The following SSBP2 variants were observed in gnomAD, a reference collection of about 807,000 sequenced individuals.
The protein encoded by SSBP2 is single stranded DNA binding protein 2.
A neutral mutation model predicts 61.8 loss-of-function variants in SSBP2; 17 were observed. The observed-to-expected ratio is 0.28, with a 90% CI of 0.19 to 0.41. The LOEUF (loss-of-function observed/expected upper bound fraction) is 0.41. Ranked by LOEUF, SSBP2 falls within the 10% of genes least tolerant of loss-of-function variation. The pLI, the probability that SSBP2 is intolerant of heterozygous loss-of-function variation, is 1.00. For missense variants in SSBP2, 310 were observed against 458.7 expected (o/e 0.68, Z 2.96); for synonymous variants, 139 against 141.3 (o/e 0.98, Z 0.12).
In SSBP2 at chr5:81,419,325, G is replaced by T. The variant is rs1461172320; in HGVS notation, c.*1179C>A. 2.0e-5 allele frequency: 3 copies of T among 152,218 alleles called. No individual in the cohort carries two copies. The highest frequency in any genetic ancestry group is 7.2e-5 in the African/African-American group (3 of 41,466). The allele number at this position is 152,218 out of a possible 1,614,324, so 9.4% of individuals were successfully genotyped here. A position where few individuals can be genotyped will look rare whatever the true frequency, so the allele number is the denominator to read the frequency against. ...CCCTGGCCAGTGAGAACCAATACCA[G>T]TCAATTCTGCTGGTAGCAAGCAAGA... is the stretch of plus-strand genomic sequence containing the variant. On this transcript the variant is annotated 3_prime_UTR_variant, in exon 17 of 17. Coordinates refer to ENST00000320672, the MANE Select transcript of SSBP2 (RefSeq NM_012446.5).
At chr5:81,599,493 A>C (rs958575745) in intron 4 of SSBP2, among the ~76,000 whole-genome samples, 2 of 152,260 alleles carry the variant, frequency 1.3e-5, no homozygotes, top group Non-Finnish European at 1.5e-5. Flanking sequence ...TGGAAACAAC[A>C]GACAGTAGTC....
chr5:81,567,466 C>T (rs142558391), intron 4 of SSBP2, among the ~76,000 whole-genome samples: 10 of 152,292 alleles, frequency 6.6e-5, no homozygotes, highest in South Asian at 2.1e-4. Context: ...TGTATAGAAA[C>T]GCTTGGATGC....
At chr5:81,448,302 G>A (rs1763536361) in intron 11 of SSBP2, among the ~76,000 whole-genome samples, 1 of 152,088 alleles carries the variant, frequency 6.6e-6, no homozygotes, top group Non-Finnish European at 1.5e-5. Context: ...TAGTAATAAT[G>A]ATAAAAATAA....
chr5:81,534,003 C>T (rs757935742), intron 4 of SSBP2, among the ~76,000 whole-genome samples: 2 of 152,064 alleles, frequency 1.3e-5, no homozygotes, highest in African/African-American at 4.8e-5. Context: ...CTTAACAAGG[C>T]CTGCCCTCAA....
intron 5 of SSBP2, among the ~76,000 whole-genome samples, chr5:81,493,782 G>A (rs1767082237): frequency 6.6e-6 from 1 of 151,776 alleles, no homozygotes; most frequent in Admixed American, 6.6e-5. Context: ...TAAAATTGTA[G>A]AGATGGGTGC....
intron 1 of SSBP2, among the ~76,000 whole-genome samples, chr5:81,702,327 T>C (rs558033949): frequency 5.3e-4 from 80 of 152,242 alleles, no homozygotes; most frequent in Admixed American, 1.5e-3. Flanking sequence ...GCCAAGATGG[T>C]GCCACTGCAC....
chr5:81,614,359 CAAAAAA>C (rs10659647), intron 4 of SSBP2, among the ~76,000 whole-genome samples: 3 of 73,826 alleles, frequency 4.1e-5, no homozygotes, highest in African/African-American at 1.0e-4. Flanking sequence ...GACTCCGTCT[CAAAAAA>C]AAAAAAAAAA....
intron 4 of SSBP2, among the ~76,000 whole-genome samples, chr5:81,530,305 T>C (rs1580932530): frequency 6.6e-6 from 1 of 152,190 alleles, no homozygotes; most frequent in Non-Finnish European, 1.5e-5. Context: ...ATATTGGCTA[T>C]TATTTTCATT....
At chr5:81,683,067 C>A (rs375243151) in intron 1 of SSBP2, among the ~76,000 whole-genome samples, 1 of 151,152 alleles carries the variant, frequency 6.6e-6, no homozygotes, top group East Asian at 1.9e-4. Flanking sequence ...GACTCAATAT[C>A]ATCAAGATGT....
chr5:81,680,091 C>T (rs1340938254), intron 1 of SSBP2, among the ~76,000 whole-genome samples: 3 of 151,852 alleles, frequency 2.0e-5, no homozygotes, highest in African/African-American at 7.3e-5. Context: ...GGCCCTGCCA[C>T]CCCACCCTGT....
intron 4 of SSBP2, among the ~76,000 whole-genome samples, chr5:81,571,911 C>A (rs1773869122): frequency 6.6e-6 from 1 of 152,092 alleles, no homozygotes; most frequent in African/African-American, 2.4e-5. Context: ...CCATGGAAAT[C>A]CAACTAATTC....
At chr5:81,744,423 GTCA>G (rs1337696059) in intron 1 of SSBP2, among the ~76,000 whole-genome samples, 1 of 151,954 alleles carries the variant, frequency 6.6e-6, no homozygotes, top group Non-Finnish European at 1.5e-5. Context: ...GCCTTTTTCT[GTCA>G]TCAATTCCTC....
chr5:81,667,114 T>G (rs902112371), intron 1 of SSBP2, among the ~76,000 whole-genome samples: 1 of 152,046 alleles, frequency 6.6e-6, no homozygotes, highest in Non-Finnish European at 1.5e-5. Flanking sequence ...AAAAAATAGG[T>G]GGAGTCCTAT....
At chr5:81,655,447 C>G (rs558570902) in intron 1 of SSBP2, among the ~76,000 whole-genome samples, 2 of 152,074 alleles carry the variant, frequency 1.3e-5, no homozygotes, top group Non-Finnish European at 1.5e-5. Context: ...ATGAAAAAGC[C>G]TATCAATGAT....
chr5:81,413,527 G>GA lies in SSBP2; in HGVS notation c.*6976dup, dbSNP rs1761208966. 1.3e-5 allele frequency: 2 copies of GA among 152,132 alleles called. No homozygotes were observed. Among genetic ancestry groups the GA allele is most frequent in the Admixed American group, 6.5e-5 (1 of 15,276 alleles). 9.4% of individuals were successfully genotyped at this position (152,132 alleles called of 1,614,324 possible). On this transcript the variant is annotated 3_prime_UTR_variant, in exon 17 of 17. Coordinates refer to ENST00000320672, the MANE Select transcript of SSBP2 (RefSeq NM_012446.5). ...GTAGTAAGAAAACGTCTTAAATTCG[G>GA]AAAATCACAACTAGGTTAATTAAAC... is the stretch of plus-strand genomic sequence containing the variant.
intron 3 of SSBP2, among the ~76,000 whole-genome samples, chr5:81,630,549 A>G (rs1217611944): frequency 2.0e-5 from 3 of 152,198 alleles, no homozygotes; most frequent in Non-Finnish European, 4.4e-5. Context: ...CTGTACCTAT[A>G]TATTTAGCAT....
intron 1 of SSBP2, among the ~76,000 whole-genome samples, chr5:81,733,978 C>T (rs1756433900): frequency 6.6e-6 from 1 of 151,996 alleles, no homozygotes; most frequent in Non-Finnish European, 1.5e-5. Context: ...TGAAAAAAAT[C>T]AAAGGTAACT....
intron 1 of SSBP2, among the ~76,000 whole-genome samples, chr5:81,714,246 T>C (rs548208465): frequency 1.3e-5 from 2 of 152,344 alleles, no homozygotes; most frequent in East Asian, 1.9e-4. Context: ...CTCATCCTTT[T>C]TTATGGTTGT....
intron 4 of SSBP2, among the ~76,000 whole-genome samples, chr5:81,518,243 G>C (rs1057274954): frequency 4.6e-5 from 7 of 152,266 alleles, no homozygotes; most frequent in Admixed American, 1.3e-4. Context: ...TGAGTAGGAA[G>C]AGGCTGAGCA....
Sources: allele counts gnomAD v4.1 joint callset (sites outside exome capture counted in the v4.1 genomes callset), GRCh38; gene constraint gnomAD v4.1.1; transcripts MANE v1.5; gene names NCBI Gene and HGNC (gene_info 2026-07-23, HGNC 2026-07-21).